FOXN3: variants seen among roughly 807,000 people sequenced by gnomAD.
FOXN3 encodes the protein forkhead box N3, also known as forkhead box protein N3.
In FOXN3, 7 loss-of-function variants were observed where a neutral mutation model predicts 38.4. The ratio of observed to expected loss-of-function variants is 0.18; its 90% CI spans 0.10 to 0.34. The LOEUF is 0.34. FOXN3 is among the 10% of genes least tolerant of loss of function. The probability of loss-of-function intolerance (pLI) is 1.00; values close to 1 mark genes in which losing one functional copy is unlikely to be tolerated. For missense variants in FOXN3, 456 were observed against 613.4 expected (o/e 0.74, Z 2.71); for synonymous variants, 230 against 242.2 (o/e 0.95, Z 0.47).
At chr14:89,167,190 T>C (rs553218192) in intron 5 of FOXN3, among the ~76,000 whole-genome samples, 1 of 152,314 alleles carries the variant, frequency 6.6e-6, no homozygotes, top group East Asian at 1.9e-4. Flanking sequence ...AGTTGGAAAA[T>C]ATCAAACATA....
chr14:89,415,487 AC>A (rs1283407232), intron 1 of FOXN3, among the ~76,000 whole-genome samples: 1 of 151,138 alleles, frequency 6.6e-6, no homozygotes, highest in East Asian at 1.9e-4. Context: ...TTGTGCTGGG[AC>A]CCCGTACTCT....
chr14:89,563,574 A>T (rs1192273167), intron 1 of FOXN3, among the ~76,000 whole-genome samples: 1 of 152,154 alleles, frequency 6.6e-6, no homozygotes, highest in Non-Finnish European at 1.5e-5. Flanking sequence ...GGCTGCATCC[A>T]CAAAGAAGGG....
intron 3 of FOXN3, among the ~76,000 whole-genome samples, chr14:89,292,316 T>C (rs1886899514): frequency 6.6e-6 from 1 of 152,126 alleles, no homozygotes; most frequent in South Asian, 2.1e-4. Context: ...TGGCTCCCAT[T>C]ATTCTTTCCT....
chr14:89,581,560 G>A (rs544096623), intron 1 of FOXN3, among the ~76,000 whole-genome samples: 24 of 152,012 alleles, frequency 1.6e-4, no homozygotes, highest in Middle Eastern at 3.4e-3. Context: ...TGTATGATAC[G>A]TGTCATCCGA....
chr14:89,214,540 C>A (rs1456217767), intron 4 of FOXN3, among the ~76,000 whole-genome samples: 2 of 152,248 alleles, frequency 1.3e-5, no homozygotes, highest in African/African-American at 2.4e-5. Context: ...AAGAAGGAAG[C>A]AAACAGCAGC....
chr14:89,502,107 G>T (rs1287223992), intron 1 of FOXN3, among the ~76,000 whole-genome samples: 2 of 152,196 alleles, frequency 1.3e-5, no homozygotes, highest in Non-Finnish European at 2.9e-5. Flanking sequence ...GGCAGAGGTT[G>T]CAGTGAGCCT....
intron 4 of FOXN3, among the ~76,000 whole-genome samples, chr14:89,206,624 G>A (rs1466558663): frequency 1.3e-5 from 2 of 152,120 alleles, no homozygotes; most frequent in South Asian, 2.1e-4. Context: ...ACTTCATGAC[G>A]GCAACTGGGT....
At chr14:89,230,532 A>C (rs961862016) in intron 4 of FOXN3, among the ~76,000 whole-genome samples, 1 of 152,232 alleles carries the variant, frequency 6.6e-6, no homozygotes, top group African/African-American at 2.4e-5. Context: ...AGTATACATA[A>C]AGGGCTTAGA....
chr14:89,297,545 GCA>G (rs1887081183), intron 3 of FOXN3, among the ~76,000 whole-genome samples: 2 of 140,930 alleles, frequency 1.4e-5, no homozygotes, highest in Non-Finnish European at 3.1e-5. Flanking sequence ...GGGCAACAGA[GCA>G]AGACTCCCTT....
At chr14:89,344,660 T>C (rs1361028977) in intron 3 of FOXN3, among the ~76,000 whole-genome samples, 1 of 152,206 alleles carries the variant, frequency 6.6e-6, no homozygotes, top group Non-Finnish European at 1.5e-5. Context: ...GAAGTTTAAA[T>C]ACCCCCACTA....
At chr14:89,467,495 C>A (rs1168424364) in intron 1 of FOXN3, among the ~76,000 whole-genome samples, 1 of 151,858 alleles carries the variant, frequency 6.6e-6, no homozygotes, top group African/African-American at 2.4e-5. Flanking sequence ...TCCACCTAAT[C>A]CCCGACATAA....
intron 2 of FOXN3, among the ~76,000 whole-genome samples, chr14:89,367,692 A>G (rs1250619930): frequency 6.6e-6 from 1 of 152,066 alleles, no homozygotes; most frequent in Admixed American, 6.6e-5. Flanking sequence ...GGAAAAAATT[A>G]AACAAACAGA....
At chr14:89,594,254 C>T (rs566728127) in intron 1 of FOXN3, among the ~76,000 whole-genome samples, 5 of 152,288 alleles carry the variant, frequency 3.3e-5, no homozygotes, top group South Asian at 2.1e-4. Flanking sequence ...TTACAGAATA[C>T]GCATATGTTC....
intron 1 of FOXN3, among the ~76,000 whole-genome samples, chr14:89,503,050 G>A (rs1349974966): frequency 2.0e-5 from 3 of 152,108 alleles, no homozygotes; most frequent in African/African-American, 4.8e-5. Context: ...AGCCCCAAGC[G>A]GGAAGAAAAA....
rs773198982 is a variant in FOXN3 at position 89,297,824 on chromosome 14, A to ATT, written c.681-16812_681-16811dup. ...AAGACCCTGATTCTACAAAAAAAAAATTTTTTTTTAAGTCACCGGGTGTGG... is the reference window on the plus strand; with the variant it reads ...AAGACCCTGATTCTACAAAAAAAAAATTTTTTTTTTTAAGTCACCGGGTGTGG... On this transcript the variant is annotated intron_variant, in intron 3 of 5. Coordinates refer to ENST00000557258, the MANE Select transcript of FOXN3 (RefSeq NM_005197.4). Among the ~76,000 whole-genome samples, 332 of 150,564 alleles carry ATT rather than the reference A, an allele frequency of 2.2e-3. 1 individual carries two copies. Among genetic ancestry groups the ATT allele is most frequent in the Non-Finnish European group, 3.7e-3 (251 of 67,868 alleles).
At chr14:89,226,352 A>G (rs1266932225) in intron 4 of FOXN3, among the ~76,000 whole-genome samples, 1 of 152,136 alleles carries the variant, frequency 6.6e-6, no homozygotes, top group Non-Finnish European at 1.5e-5. Context: ...CACCTTCTCT[A>G]GTAGCTGGGA....
rs1887147239 is a variant in FOXN3, at chr14:89,163,019, G to A, written c.852-50C>T. On this transcript the variant is annotated intron_variant, in intron 5 of 5. Coordinates refer to ENST00000557258, the MANE Select transcript of FOXN3 (RefSeq NM_005197.4). The surrounding 1 kb of genome is among the most constrained non-coding windows in gnomAD (Gnocchi z 4.3). ...GGACGGGAGACAAAGAAGGGACACA[G>A]TTAGACGTCCTCAGATGGGGGCACC... 1 of 1,470,006 alleles carries A rather than the reference G, an allele frequency of 6.8e-7. No homozygotes were observed. The highest frequency in any genetic ancestry group is 2.4e-5 in the Admixed American group (1 of 40,946). The allele number at this position is 1,470,006 out of a possible 1,614,324, so 91.1% of individuals were successfully genotyped here.
rs371261442 is a variant in FOXN3 at position 89,611,602 on chromosome 14, C to A, written c.-15+7426G>T. Among the ~76,000 whole-genome samples, 187 of 152,140 alleles carry A rather than the reference C, an allele frequency of 1.2e-3. 1 individual carries two copies. The highest frequency in any genetic ancestry group is 4.4e-3 in the African/African-American group (183 of 41,508). On this transcript the variant is annotated intron_variant, in intron 1 of 6. Transcript: ENST00000345097. ...CGGGCGGATCACAAGGTCAGGAGAT[C>A]GAGACCATCCTGGTTAACACGGTGA...
At chr14:89,518,393 T>A (rs1456227589) in intron 1 of FOXN3, among the ~76,000 whole-genome samples, 3 of 152,122 alleles carry the variant, frequency 2.0e-5, no homozygotes, top group African/African-American at 7.2e-5. Context: ...GTGACCTTGC[T>A]CTCCTGGCAA....
Sources: gnomAD v4.1 joint callset for allele counts (sites outside exome capture counted in the v4.1 genomes callset) on GRCh38, gnomAD v4.1.1 for gene constraint, Gnocchi (gnomAD v3.1) non-coding constraint, MANE v1.5 for transcripts, NCBI Gene and HGNC (gene_info 2026-07-23, HGNC 2026-07-21) for gene names.